Variants in CA10 observed in about 807,000 individuals in gnomAD.
CA10 encodes carbonic anhydrase-related protein 10.
Under a neutral mutation model 44.2 loss-of-function variants are expected in CA10, and 14 were observed. The ratio of observed to expected loss-of-function variants is 0.32; its 90% confidence interval spans 0.21 to 0.50. CA10 has a LOEUF of 0.50. CA10 is among the 20% of genes least tolerant of loss of function. CA10 has a pLI of 0.99. For missense variants in CA10, 350 were observed against 409.7 expected (o/e 0.85, Z 1.26); for synonymous variants, 159 against 141.6 (o/e 1.12, Z -0.87).
intron 3 of CA10, among the ~76,000 whole-genome samples, chr17:51,905,698 C>T (rs184979394): frequency 7.6e-4 from 116 of 152,146 alleles, no homozygotes; most frequent in Non-Finnish European, 1.3e-3. Context: ...ATCATTTCAT[C>T]TGTAACCATA....
chr17:51,885,921 C>T (rs763334459), intron 3 of CA10, among the ~76,000 whole-genome samples: 1 of 152,220 alleles, frequency 6.6e-6, no homozygotes, highest in East Asian at 1.9e-4. Flanking sequence ...ATATGTACTA[C>T]ATAGTTAGCC....
chr17:51,979,040 G>T (rs1183424537), intron 2 of CA10, among the ~76,000 whole-genome samples: 2 of 152,030 alleles, frequency 1.3e-5, no homozygotes, highest in East Asian at 3.9e-4. Flanking sequence ...CAAACGTTTG[G>T]CTTTTGGGTG....
intron 3 of CA10, among the ~76,000 whole-genome samples, chr17:51,809,597 C>G (rs1004254449): frequency 6.6e-6 from 1 of 152,178 alleles, no homozygotes; most frequent in African/African-American, 2.4e-5. Flanking sequence ...CGAGGACCAT[C>G]ATATGATACA....
At chr17:51,677,584 A>T (rs1028463186) in intron 4 of CA10, among the ~76,000 whole-genome samples, 2 of 152,188 alleles carry the variant, frequency 1.3e-5, no homozygotes, top group African/African-American at 4.8e-5. Context: ...AACTAATAGA[A>T]GTGGTTACTG....
intron 3 of CA10, among the ~76,000 whole-genome samples, chr17:51,798,926 C>A (rs1906819031): frequency 6.6e-6 from 1 of 152,162 alleles, no homozygotes; most frequent in South Asian, 2.1e-4. Context: ...CCAGGAAGAA[C>A]ATGATGTGGG....
chr17:52,114,613 C>T (rs1988852115), intron 1 of CA10, among the ~76,000 whole-genome samples: 1 of 152,166 alleles, frequency 6.6e-6, no homozygotes, highest in South Asian at 2.1e-4. Flanking sequence ...CTTTTAATTA[C>T]TTAACATGCC....
chr17:51,893,734 T>G (rs1244538714), intron 3 of CA10, among the ~76,000 whole-genome samples: 1 of 152,160 alleles, frequency 6.6e-6, no homozygotes, highest in Non-Finnish European at 1.5e-5. Context: ...GTGAATAACA[T>G]AGCCCAGGCA....
Position 51,717,649 on chromosome 17 carries a change from A to G in CA10, c.465+29984T>C, listed in dbSNP as rs112050204. 6.3e-3 allele frequency among the ~76,000 whole-genome samples: 266 copies of G among 42,342 alleles called. 55 individuals are homozygous for G. Among genetic ancestry groups the G allele is most frequent in the Middle Eastern group, 0.061 (4 of 66 alleles). The allele number at this position is 42,342 out of a possible 152,430, so 27.8% of individuals were successfully genotyped here. On this transcript the variant is annotated intron_variant, in intron 4 of 8. Transcript: ENST00000451037. Reference sequence around the variant, plus strand: ...TGCACATATATGCATGTATATATACATATATACGTATATATACATGTATAT... The same window carrying G: ...TGCACATATATGCATGTATATATACGTATATACGTATATATACATGTATAT...
intron 3 of CA10, among the ~76,000 whole-genome samples, chr17:51,863,811 T>G (rs1045770183): frequency 3.9e-5 from 6 of 152,188 alleles, no homozygotes; most frequent in African/African-American, 1.4e-4. Context: ...ACTCCCACCA[T>G]CCTCAAGGAT....
chr17:51,794,863 A>G (rs925914531), intron 3 of CA10, among the ~76,000 whole-genome samples: 4 of 152,224 alleles, frequency 2.6e-5, no homozygotes, highest in African/African-American at 4.8e-5. Flanking sequence ...ATTTTCAAAC[A>G]TGTGAAATCC....
chr17:51,823,650 T>C (rs760753806), intron 3 of CA10, among the ~76,000 whole-genome samples: 2 of 152,174 alleles, frequency 1.3e-5, no homozygotes, highest in Non-Finnish European at 2.9e-5. Context: ...AACCAGTGGA[T>C]GATGACAACT....
chr17:51,844,266 G>A (rs558260583), intron 3 of CA10, among the ~76,000 whole-genome samples: 50 of 152,248 alleles, frequency 3.3e-4, no homozygotes, highest in African/African-American at 1.1e-3. Context: ...CTTGAAATTT[G>A]TAAAATAACC....
intron 3 of CA10, among the ~76,000 whole-genome samples, chr17:51,855,544 A>G (rs1429515770): frequency 6.6e-6 from 1 of 152,204 alleles, no homozygotes; most frequent in Non-Finnish European, 1.5e-5. Context: ...AAGGAAAGAA[A>G]TGCAAAGAAA....
intron 4 of CA10, among the ~76,000 whole-genome samples, chr17:51,655,374 G>A (rs754325694): frequency 3.9e-5 from 6 of 152,206 alleles, no homozygotes; most frequent in Non-Finnish European, 8.8e-5. Flanking sequence ...GCATGTAGAA[G>A]TGATTTGTGA....
intron 3 of CA10, among the ~76,000 whole-genome samples, chr17:51,859,352 T>C (rs1215872132): frequency 6.6e-6 from 1 of 152,136 alleles, no homozygotes; most frequent in African/African-American, 2.4e-5. Flanking sequence ...TGTAAGTGAG[T>C]GACAGCAGGT....
intron 2 of CA10, among the ~76,000 whole-genome samples, chr17:52,049,903 A>G (rs2970022): frequency 0.99 from 151,026 of 152,202 alleles, 74,942 homozygotes; most frequent in East Asian, 1. Context: ...GTTTAGATAT[A>G]TTTGGATACA....
At chr17:51,663,776 A>T (rs992333139) in intron 4 of CA10, among the ~76,000 whole-genome samples, 1 of 152,162 alleles carries the variant, frequency 6.6e-6, no homozygotes, top group Non-Finnish European at 1.5e-5. Context: ...AGAATGATGA[A>T]GTGACGTGTT....
At chr17:52,074,080 A>G (rs76282846) in intron 1 of CA10, among the ~76,000 whole-genome samples, 1,538 of 152,276 alleles carry the variant, frequency 0.01, 18 homozygotes, top group African/African-American at 0.035. Flanking sequence ...TTCTCCCCCA[A>G]TTCGTTAGAC....
chr17:51,675,496 C>A (rs1170349717), intron 4 of CA10, among the ~76,000 whole-genome samples: 1 of 149,190 alleles, frequency 6.7e-6, no homozygotes, highest in African/African-American at 2.5e-5. Flanking sequence ...TTGCAGTGAG[C>A]TGAGATTGCG....
Sources: allele counts gnomAD v4.1 joint callset (sites outside exome capture counted in the v4.1 genomes callset), GRCh38; gene constraint gnomAD v4.1.1; transcripts MANE v1.5; gene names NCBI Gene and HGNC (gene_info 2026-07-23, HGNC 2026-07-21).